The following GTF2A1L variants were observed in gnomAD, a reference collection of about 807,000 sequenced individuals.
GTF2A1L encodes the protein TFIIA-alpha and beta-like factor.
A neutral mutation model predicts 49.7 loss-of-function variants in GTF2A1L; 48 were observed. The ratio of observed to expected loss-of-function variants is 0.97; its 90% CI spans 0.77 to 1.23. The LOEUF is 1.23. Ranked by LOEUF, GTF2A1L falls within the 50% of genes most tolerant of loss-of-function variation. GTF2A1L has a pLI of 0.00. For missense variants in GTF2A1L, 736 were observed against 564.8 expected (o/e 1.30, Z -3.07); for synonymous variants, 246 against 193.5 (o/e 1.27, Z -2.25).
At chr2:48,675,439 A>G (rs35866214) in intron 8 of GTF2A1L, among the ~76,000 whole-genome samples, 29,104 of 151,968 alleles carry the variant, frequency 0.19, 3,053 homozygotes, top group South Asian at 0.26. Context: ...AAATTTAGAG[A>G]TTAACAATTG....
chr2:48,654,298 G>T (rs1678044783), intron 6 of GTF2A1L, among the ~76,000 whole-genome samples: 1 of 152,140 alleles, frequency 6.6e-6, no homozygotes, highest in Middle Eastern at 3.2e-3. Context: ...AGGCTGCAAA[G>T]ATTTTATAAT....
chr2:48,671,584 T>A lies in GTF2A1L; in HGVS notation c.1240-7T>A, dbSNP rs1337429838. On this transcript the variant is annotated splice_region_variant and splice_polypyrimidine_tract_variant and intron_variant, in intron 7 of 8. Coordinates refer to ENST00000403751, the MANE Select transcript of GTF2A1L (RefSeq NM_006872.5). ...AATTCCTTAATGTGATCATCTTTCG[T>A]CTTTAGGACCCTTTAAATTCTGGAG... 1.2e-6 allele frequency: 2 copies of A among 1,610,888 alleles called. No individual in the cohort carries two copies. Among genetic ancestry groups the A allele is most frequent in the Non-Finnish European group, 1.7e-6 (2 of 1,178,906 alleles).
intron 6 of GTF2A1L, among the ~76,000 whole-genome samples, chr2:48,652,413 C>T (rs960892888): frequency 2.0e-5 from 3 of 151,754 alleles, no homozygotes; most frequent in African/African-American, 4.8e-5. Context: ...GTTAGGAGTT[C>T]GAGACCAGCC....
intron 8 of GTF2A1L, among the ~76,000 whole-genome samples, chr2:48,674,487 A>G (rs557325634): frequency 2.0e-5 from 3 of 152,296 alleles, no homozygotes; most frequent in South Asian, 4.1e-4. Context: ...TTTCTCCACT[A>G]TAACATTTTA....
At position 48,627,722 on chromosome 2, in the gene GTF2A1L, T is replaced by C. The variant is rs370710010; in HGVS notation, c.247+6432T>C. 2.5e-4 allele frequency among the ~76,000 whole-genome samples: 36 copies of C among 144,148 alleles called. 6 individuals are homozygous for C. The East Asian group carries it at 4.3e-3, about 17-fold the overall frequency. The allele number at this position is 144,148 out of a possible 152,430, so 94.6% of individuals were successfully genotyped here. The stretch of plus-strand genomic sequence containing the variant: ...TGAAAAAAGAGGCCATGTTTTTTTT[T>C]CTTTTCAACTTTTATTCTAGATTCA... On this transcript the variant is annotated intron_variant, in intron 3 of 8. Transcript: ENST00000403751.
intron 6 of GTF2A1L, among the ~76,000 whole-genome samples, chr2:48,665,319 T>C (rs1251711656): frequency 6.6e-6 from 1 of 151,808 alleles, no homozygotes; most frequent in African/African-American, 2.4e-5. Context: ...AATTTCACTT[T>C]TTTTCCCTTT....
intron 6 of GTF2A1L, among the ~76,000 whole-genome samples, chr2:48,650,873 A>G (rs576428457): frequency 6.6e-6 from 1 of 152,332 alleles, no homozygotes; most frequent in South Asian, 2.1e-4. Context: ...ATGCCCTGCC[A>G]TTACAATTAT....
chr2:48,628,027 G>A (rs906231711), intron 3 of GTF2A1L, among the ~76,000 whole-genome samples: 2 of 143,990 alleles, frequency 1.4e-5, no homozygotes, highest in Non-Finnish European at 3.1e-5. Context: ...GCCTCCAGCA[G>A]CATTCGTGTT....
chr2:48,634,891 A>G (rs1676798700), intron 3 of GTF2A1L, among the ~76,000 whole-genome samples: 1 of 152,124 alleles, frequency 6.6e-6, no homozygotes, highest in Admixed American at 6.5e-5. Flanking sequence ...GTGGGGCCAG[A>G]TTGGGCACAT....
At chr2:48,622,610 C>T (rs1242591034) in intron 3 of GTF2A1L, among the ~76,000 whole-genome samples, 2 of 152,090 alleles carry the variant, frequency 1.3e-5, no homozygotes, top group Non-Finnish European at 2.9e-5. Flanking sequence ...CACCTGAGGT[C>T]AGGAGTTCTA....
intron 8 of GTF2A1L, among the ~76,000 whole-genome samples, chr2:48,675,689 A>T (rs974404888): frequency 9.2e-5 from 14 of 152,022 alleles, no homozygotes; most frequent in African/African-American, 3.1e-4. Context: ...GACACTATTT[A>T]TAGTGGAATG....
intron 6 of GTF2A1L, among the ~76,000 whole-genome samples, chr2:48,659,812 T>C (rs1451375698): frequency 2.6e-5 from 4 of 152,164 alleles, no homozygotes; most frequent in Non-Finnish European, 2.9e-5. Context: ...GGTGTGTTGA[T>C]TTTGTATTCT....
In GTF2A1L at chr2:48,621,268, C is replaced by T. The variant is rs1269989496; in HGVS notation, c.225C>T (p.His75=). The T allele has an allele frequency of 4.3e-6, 7 of 1,614,066 alleles. No homozygotes were observed. The highest frequency in any genetic ancestry group is 1.6e-4 in the Middle Eastern group (1 of 6,062). The change falls in exon 3 of 9, where the codon CAC becomes CAT. Residue 75 remains histidine, a synonymous_variant. Transcript: ENST00000403751. ...CTCTTCAGTTGCCGCACAGCTTGCA[C>T]CAAACATTGCAATCGTCAACAGGTT... ...LFTLQLPHSL[H]QTLQSSTASL...
At chr2:48,639,122 T>A (rs1677064607) in intron 3 of GTF2A1L, among the ~76,000 whole-genome samples, 1 of 152,200 alleles carries the variant, frequency 6.6e-6, no homozygotes, top group Non-Finnish European at 1.5e-5. Flanking sequence ...ATGGCCATAC[T>A]ACCCAAAGCA....
chr2:48,676,799 A>ATATATATC (rs1174649921), intron 8 of GTF2A1L, among the ~76,000 whole-genome samples: 6 of 151,530 alleles, frequency 4.0e-5, no homozygotes, highest in Admixed American at 2.6e-4. Context: ...CAAGTATTTC[A>ATATATATC]TATATATCTA....
intron 6 of GTF2A1L, among the ~76,000 whole-genome samples, chr2:48,661,395 A>G (rs1163889425): frequency 6.6e-6 from 1 of 151,416 alleles, no homozygotes; most frequent in Non-Finnish European, 1.5e-5. Flanking sequence ...CCGGGATTAT[A>G]GGTGCCCACC....
intron 6 of GTF2A1L, 72 bp from the exon 7 acceptor site, chr2:48,669,649 AT>A: frequency 6.6e-7 from 1 of 1,504,234 alleles, no homozygotes; most frequent in East Asian, 2.3e-5. Context: ...ATGTTTGTTA[AT>A]TTTAAATTTG....
chr2:48,631,092 G>A (rs1259962688), intron 3 of GTF2A1L, among the ~76,000 whole-genome samples: 1 of 151,996 alleles, frequency 6.6e-6, no homozygotes, highest in Non-Finnish European at 1.5e-5. Flanking sequence ...TTTTTATCAT[G>A]TCTTTTTCAG....
intron 1 of GTF2A1L, among the ~76,000 whole-genome samples, chr2:48,618,993 T>A (rs1458727717): frequency 3.3e-5 from 5 of 152,232 alleles, no homozygotes; most frequent in Non-Finnish European, 1.5e-5. Flanking sequence ...GGACTACCAC[T>A]GAAGCATCAA....
Sources: allele counts gnomAD v4.1 joint callset (sites outside exome capture counted in the v4.1 genomes callset), GRCh38; gene constraint gnomAD v4.1.1; transcripts MANE v1.5; gene names NCBI Gene and HGNC (gene_info 2026-07-23, HGNC 2026-07-21).